PKN2: variants seen among roughly 807,000 people sequenced by gnomAD.
PKN2 encodes protein kinase N2, also known as serine/threonine-protein kinase N2.
Under a neutral mutation model 119.1 loss-of-function variants are expected in PKN2, and 38 were observed. The ratio of observed to expected loss-of-function variants is 0.32; its 90% CI spans 0.25 to 0.42. PKN2 has a LOEUF of 0.42. Among genes scored for constraint, PKN2 ranks in the 10% least tolerant of loss-of-function variants. The pLI is 1.00. For synonymous variants in PKN2, 390 were observed against 384.9 expected, an observed-to-expected ratio of 1.01 and a Z score of -0.15; for missense variants, 850 against 1,165.1, an observed-to-expected ratio of 0.73 and a Z score of 3.94.
chr1:88,768,772 T>C (rs1669765894), intron 3 of PKN2, among the ~76,000 whole-genome samples: 1 of 152,234 alleles, frequency 6.6e-6, no homozygotes, highest in Admixed American at 6.5e-5. Context: ...TTTGTGTTGC[T>C]GTAAAGGAAT....
intron 2 of PKN2, among the ~76,000 whole-genome samples, chr1:88,757,347 A>G (rs2100775389): frequency 6.6e-6 from 1 of 152,300 alleles, no homozygotes; most frequent in African/African-American, 2.4e-5. Flanking sequence ...TATTTATTTT[A>G]GAAACAGTGT....
chr1:88,825,784 T>C (rs17130624), intron 18 of PKN2, among the ~76,000 whole-genome samples: 10,947 of 152,230 alleles, frequency 0.072, 848 homozygotes, highest in African/African-American at 0.19. Flanking sequence ...CCATGGCACA[T>C]ACCTGCTGAA....
chr1:88,794,991 T>G (rs1055300081), intron 8 of PKN2, among the ~76,000 whole-genome samples: 27 of 152,264 alleles, frequency 1.8e-4, no homozygotes, highest in African/African-American at 6.3e-4. Context: ...CATTTACTAC[T>G]GCAAATTTTA....
chr1:88,760,414 A>C (rs750965903), intron 3 of PKN2, 38 bp downstream of exon 3: 1 of 1,161,930 alleles, frequency 8.6e-7, no homozygotes, highest in Non-Finnish European at 1.2e-6. Context: ...ATAGTCAGTC[A>C]TTATTTGCAG....
At chr1:88,767,855 A>T (rs1181180505) in intron 3 of PKN2, among the ~76,000 whole-genome samples, 2 of 152,000 alleles carry the variant, frequency 1.3e-5, no homozygotes, top group African/African-American at 4.8e-5. Flanking sequence ...CTTATCTCCA[A>T]TCTCTTTCTT....
At chr1:88,761,411 A>C (rs1247217140) in intron 3 of PKN2, among the ~76,000 whole-genome samples, 2 of 151,358 alleles carry the variant, frequency 1.3e-5, no homozygotes, top group Non-Finnish European at 2.9e-5. Context: ...TTTTTGTTTC[A>C]GTTTAGAAAG....
chr1:88,722,382 T>C (rs917604305), intron 1 of PKN2, among the ~76,000 whole-genome samples: 7 of 152,230 alleles, frequency 4.6e-5, no homozygotes, highest in African/African-American at 1.4e-4. Flanking sequence ...TCTACCTGTT[T>C]ATGTTTCCCA....
chr1:88,761,612 TAAA>T (rs368283566), intron 3 of PKN2, among the ~76,000 whole-genome samples: 24 of 102,008 alleles, frequency 2.4e-4, no homozygotes, highest in African/African-American at 5.0e-4. Context: ...CCTGTCTCTT[TAAA>T]AAAAAAAAAA....
intron 16 of PKN2, among the ~76,000 whole-genome samples, chr1:88,818,737 AAG>A (rs1159263452): frequency 3.3e-5 from 5 of 152,204 alleles, no homozygotes; most frequent in African/African-American, 4.8e-5. Context: ...GCTAAGCAAA[AAG>A]AGCAAATTTG....
intron 2 of PKN2, 82 bp from the exon 3 acceptor site, chr1:88,760,140 C>A: frequency 1.3e-6 from 1 of 758,142 alleles, no homozygotes; most frequent in Admixed American, 2.5e-5. Context: ...TTGAAAAATG[C>A]TGTTTATTTG....
chr1:88,693,201 A>G (rs1325734496), intron 1 of PKN2, among the ~76,000 whole-genome samples: 1 of 152,208 alleles, frequency 6.6e-6, no homozygotes, highest in Non-Finnish European at 1.5e-5. Context: ...TTTAAAGGGC[A>G]GTATATTCCG....
intron 1 of PKN2, among the ~76,000 whole-genome samples, chr1:88,700,687 T>G (rs1666738317): frequency 6.6e-6 from 1 of 152,240 alleles, no homozygotes; most frequent in Admixed American, 6.5e-5. Context: ...TTTTTGGTTC[T>G]TCATTCTGAA....
intron 3 of PKN2, among the ~76,000 whole-genome samples, chr1:88,762,557 TG>T (rs1233760955): frequency 6.6e-6 from 1 of 152,224 alleles, no homozygotes; most frequent in Non-Finnish European, 1.5e-5. Flanking sequence ...GTTAAAAGTT[TG>T]ATAGCCATTA....
At chr1:88,811,935 A>C (rs1022708445) in intron 15 of PKN2, among the ~76,000 whole-genome samples, 7 of 152,182 alleles carry the variant, frequency 4.6e-5, no homozygotes, top group African/African-American at 7.2e-5. Flanking sequence ...AGTCTTATAA[A>C]AGAGGTTGGA....
intron 1 of PKN2, among the ~76,000 whole-genome samples, chr1:88,706,913 TC>T (rs1667026973): frequency 6.6e-6 from 1 of 151,996 alleles, no homozygotes; most frequent in Non-Finnish European, 1.5e-5. Flanking sequence ...TCCATTTTGG[TC>T]AAAGAACACC....
chr1:88,753,469 T>C (rs1015139895), intron 2 of PKN2, among the ~76,000 whole-genome samples: 1 of 152,176 alleles, frequency 6.6e-6, no homozygotes, highest in African/African-American at 2.4e-5. Context: ...ATACAATCTT[T>C]ATTAGTCTAT....
At chr1:88,822,907 A>C (rs1229979807) in intron 17 of PKN2, among the ~76,000 whole-genome samples, 1 of 152,014 alleles carries the variant, frequency 6.6e-6, no homozygotes, top group Non-Finnish European at 1.5e-5. Context: ...TTTTCATGAT[A>C]AGATTGTTTT....
intron 16 of PKN2, among the ~76,000 whole-genome samples, chr1:88,816,029 A>C (rs754438960): frequency 1.3e-5 from 2 of 151,864 alleles, no homozygotes; most frequent in Non-Finnish European, 2.9e-5. Flanking sequence ...AATCCCAGCT[A>C]TTTGGGAAGC....
Position 88,804,571 on chromosome 1 carries a change from A to G in PKN2, c.1425+37A>G, listed in dbSNP as rs1553157348. 1.2e-5 allele frequency: 18 copies of G among 1,563,472 alleles called. No individual in the cohort carries two copies. In the South Asian group the frequency reaches 1.9e-4, roughly 17 times the overall value. ...ATTTTATTAAATGTGCATAACTACA[A>G]TTGAAATTACATATGTAGGCAGCAT... is the stretch of plus-strand genomic sequence containing the variant. On this transcript the variant is annotated intron_variant, in intron 9 of 21. Coordinates refer to ENST00000370521, the MANE Select transcript of PKN2 (RefSeq NM_006256.4).
Sources: allele counts gnomAD v4.1 joint callset (sites outside exome capture counted in the v4.1 genomes callset), GRCh38; gene constraint gnomAD v4.1.1; transcripts MANE v1.5; gene names NCBI Gene and HGNC (gene_info 2026-07-23, HGNC 2026-07-21).